Variants in RBFOX1 observed in about 807,000 individuals in gnomAD.
RBFOX1 encodes RNA binding fox-1 homolog 1.
In RBFOX1, 8 loss-of-function variants were observed where a neutral mutation model predicts 57.7. That is an observed-to-expected ratio of 0.14 (90% CI 0.08 to 0.25). RBFOX1 has a LOEUF of 0.25. RBFOX1 is among the 10% of genes least tolerant of loss of function. The pLI is 1.00. For missense variants in RBFOX1, 611 were observed against 548.5 expected (o/e 1.11, Z -1.14); for synonymous variants, 326 against 222.4 (o/e 1.47, Z -4.15).
intron 3 of RBFOX1, among the ~76,000 whole-genome samples, chr16:6,701,196 C>T (rs181618637): frequency 2.6e-5 from 4 of 151,960 alleles, no homozygotes; most frequent in African/African-American, 7.2e-5. Flanking sequence ...TTACCTCCTA[C>T]CTCTCTCAGT....
At chr16:6,867,934 G>A (rs537379759) in intron 3 of RBFOX1, among the ~76,000 whole-genome samples, 22 of 152,156 alleles carry the variant, frequency 1.4e-4, no homozygotes, top group Admixed American at 5.2e-4. Flanking sequence ...GAAGCCAAGC[G>A]TCCAGAACTA....
chr16:6,427,421 G>T (rs866457156), intron 2 of RBFOX1, among the ~76,000 whole-genome samples: 1 of 152,196 alleles, frequency 6.6e-6, no homozygotes, highest in African/African-American at 2.4e-5. Context: ...TCTGAACGCT[G>T]AGCATGGCCT....
intron 3 of RBFOX1, among the ~76,000 whole-genome samples, chr16:6,858,760 A>G (rs144342142): frequency 3.3e-5 from 5 of 152,220 alleles, no homozygotes; most frequent in Admixed American, 6.5e-5. Context: ...ACACATCTTT[A>G]TTCTTAGTTG....
intron 4 of RBFOX1, among the ~76,000 whole-genome samples, chr16:5,924,317 A>T (rs1431755544): frequency 6.6e-6 from 1 of 152,016 alleles, no homozygotes; most frequent in African/African-American, 2.4e-5. Context: ...TGGATGTTTA[A>T]CCCCTCCAAA....
At position 5,619,444 on chromosome 16, in the gene RBFOX1, A is replaced by G. The variant is rs535228345; in HGVS notation, c.318+20483A>G. Among the ~76,000 whole-genome samples the G allele has an allele frequency of 2.6e-5, 4 of 152,252 alleles. No individual in the cohort carries two copies. In the South Asian group the frequency reaches 8.3e-4, roughly 32 times the overall value. Reference sequence around the variant, plus strand: ...CTTTGCAAGGTAAGCTCTTGATTTTATGACCTCATCTCTCGCCCCAACCCC... The same window carrying G: ...CTTTGCAAGGTAAGCTCTTGATTTTGTGACCTCATCTCTCGCCCCAACCCC... On this transcript the variant is annotated intron_variant, in intron 3 of 19. Coordinates refer to the RBFOX1 transcript ENST00000641259.
chr16:6,402,582 T>C (rs1336416812), intron 2 of RBFOX1, among the ~76,000 whole-genome samples: 1 of 152,208 alleles, frequency 6.6e-6, no homozygotes, highest in Non-Finnish European at 1.5e-5. Flanking sequence ...CAGTTTGTCC[T>C]TGACCTATAC....
intron 1 of RBFOX1, among the ~76,000 whole-genome samples, chr16:5,305,582 A>G (rs1414079403): frequency 1.3e-5 from 2 of 152,198 alleles, no homozygotes; most frequent in African/African-American, 2.4e-5. Context: ...AATCTTCTCC[A>G]TATTTCTTGC....
chr16:5,956,472 C>G (rs1344257941), intron 4 of RBFOX1, among the ~76,000 whole-genome samples: 1 of 151,322 alleles, frequency 6.6e-6, no homozygotes, highest in Non-Finnish European at 1.5e-5. Flanking sequence ...ACTGTACAGT[C>G]AAATTTACAT....
chr16:6,887,232 A>C (rs910545309), intron 3 of RBFOX1, among the ~76,000 whole-genome samples: 3 of 152,198 alleles, frequency 2.0e-5, no homozygotes, highest in South Asian at 2.1e-4. Flanking sequence ...AGGAGACTAT[A>C]GAGTAGTGAT....
At chr16:6,310,222 C>T (rs1240907776) in intron 1 of RBFOX1, among the ~76,000 whole-genome samples, 3 of 152,260 alleles carry the variant, frequency 2.0e-5, no homozygotes, top group South Asian at 2.1e-4. Context: ...CACATGTAAA[C>T]CTTGGAATAG....
intron 3 of RBFOX1, among the ~76,000 whole-genome samples, chr16:6,844,644 C>G (rs2093665126): frequency 6.6e-6 from 1 of 152,074 alleles, no homozygotes; most frequent in African/African-American, 2.4e-5. Context: ...CTGCAATTAA[C>G]TTACATGTGC....
intron 2 of RBFOX1, among the ~76,000 whole-genome samples, chr16:5,544,974 T>TTTTTTTTTTTTTTTTTTTTTTTTTTTTG: frequency 6.0e-5 from 1 of 16,724 alleles, no homozygotes. Flanking sequence ...TTTTTTTTTT[T>TTTTTTTTTTTTTTTTTTTTTTTTTTTTG]TTTTTTTTTT....
chr16:6,318,167 T>G (rs1009042325), intron 2 of RBFOX1, among the ~76,000 whole-genome samples: 3 of 152,214 alleles, frequency 2.0e-5, no homozygotes, highest in African/African-American at 7.2e-5. Flanking sequence ...GTATTAGCTG[T>G]TAGCTACATC....
rs147519019 is a variant in RBFOX1, at chr16:7,489,226, T to C, written c.28-28921T>C. Among the ~76,000 whole-genome samples, 904 of 152,302 alleles carry C rather than the reference T, an allele frequency of 5.9e-3. 12 individuals are homozygous for C. The highest frequency in any genetic ancestry group is 0.021 in the African/African-American group (870 of 41,560). On this transcript the variant is annotated intron_variant, in intron 4 of 15. Transcript: ENST00000550418. ...GTAATTTTAGGGAACGTGTAACTGATACCTTTTTTTAAATTCAAGAGTATT... is the reference window on the plus strand; with the variant it reads ...GTAATTTTAGGGAACGTGTAACTGACACCTTTTTTTAAATTCAAGAGTATT...
intron 2 of RBFOX1, among the ~76,000 whole-genome samples, chr16:6,461,782 A>G (rs1377751261): frequency 6.6e-6 from 1 of 152,188 alleles, no homozygotes; most frequent in Non-Finnish European, 1.5e-5. Context: ...TGTTTAAGCT[A>G]TCTTTGTGCT....
At chr16:7,584,112 G>A (rs939970261) in intron 6 of RBFOX1, among the ~76,000 whole-genome samples, 1 of 152,066 alleles carries the variant, frequency 6.6e-6, no homozygotes, top group Non-Finnish European at 1.5e-5. Flanking sequence ...AGAAAAACTG[G>A]GATGATGCCT....
intron 3 of RBFOX1, among the ~76,000 whole-genome samples, chr16:6,879,639 T>G (rs1388014556): frequency 6.6e-6 from 1 of 152,252 alleles, no homozygotes; most frequent in African/African-American, 2.4e-5. Flanking sequence ...TTTTAGGAGC[T>G]TCAAGTAAGG....
chr16:5,730,007 G>T (rs1368233130), intron 3 of RBFOX1, among the ~76,000 whole-genome samples: 1 of 152,180 alleles, frequency 6.6e-6, no homozygotes, highest in African/African-American at 2.4e-5. Context: ...CGCAAAGGGG[G>T]TGCCTCAAAT....
intron 4 of RBFOX1, among the ~76,000 whole-genome samples, chr16:7,215,497 C>G (rs987206659): frequency 2.0e-5 from 3 of 152,050 alleles, no homozygotes; most frequent in African/African-American, 7.2e-5. Flanking sequence ...CTTTAAAGAG[C>G]TTTATGAGAT....
Sources: allele counts gnomAD v4.1 joint callset (sites outside exome capture counted in the v4.1 genomes callset), GRCh38; gene constraint gnomAD v4.1.1; transcripts MANE v1.5; gene names NCBI Gene and HGNC (gene_info 2026-07-23, HGNC 2026-07-21).